Variants in TASOR2 observed in about 807,000 individuals in gnomAD.
TASOR2 encodes the protein protein TASOR 2.
Under a neutral mutation model 199.5 loss-of-function variants are expected in TASOR2, and 84 were observed. The ratio of observed to expected loss-of-function variants is 0.42; its 90% CI spans 0.35 to 0.50. The LOEUF (loss-of-function observed/expected upper bound fraction) is 0.50, where lower values mean the gene tolerates loss of function less well. TASOR2 is among the 20% of genes least tolerant of loss of function. The pLI, the probability that TASOR2 is intolerant of heterozygous loss-of-function variation, is 0.02. For missense variants in TASOR2, 2,796 were observed against 2,835.9 expected (o/e 0.99, Z 0.32); for synonymous variants, 1,103 against 1,046.6 (o/e 1.05, Z -1.04).
At chr10:5,688,319 G>A (rs1836017002) in intron 1 of TASOR2, among the ~76,000 whole-genome samples, 1 of 151,796 alleles carries the variant, frequency 6.6e-6, no homozygotes, top group Admixed American at 6.6e-5. Context: ...CCAACTCCTG[G>A]GTTCAAACAA....
exon 15 of TASOR2, chr10:5,747,913 A>G (rs747150451): frequency 3.7e-6 from 6 of 1,613,796 alleles, no homozygotes; most frequent in Middle Eastern, 3.3e-4. Context: ...CCTTCCTGGT[A>G]AAGTAACTGA....
chr10:5,760,281 G>GTATATGTATTTCA (rs1407581342), intron 18 of TASOR2, among the ~76,000 whole-genome samples: 11 of 152,268 alleles, frequency 7.2e-5, no homozygotes, highest in Admixed American at 7.2e-4. Context: ...TTGTATATGT[G>GTATATGTATTTCA]GTCCGTCATT....
At chr10:5,729,753 A>C (rs569288661) in intron 10 of TASOR2, among the ~76,000 whole-genome samples, 43 of 150,218 alleles carry the variant, frequency 2.9e-4, no homozygotes, top group African/African-American at 9.9e-4. Context: ...TTGTGGCTTT[A>C]TATTACTGAC....
intron 1 of TASOR2, among the ~76,000 whole-genome samples, chr10:5,708,634 CCCTTCCTT>C (rs59164314): frequency 0.6 from 58,513 of 98,128 alleles, 19,319 homozygotes; most frequent in Middle Eastern, 0.67. Flanking sequence ...CTCCCTTCCT[CCCTTCCTT>C]CCTTCCTTCC....
chr10:5,749,407 C>T lies in TASOR2; in HGVS notation c.5986C>T (p.Gln1996Ter), dbSNP rs1350646499. 3 of 1,614,234 alleles carry T rather than the reference C, an allele frequency of 1.9e-6. No homozygotes were observed. Among genetic ancestry groups the T allele is most frequent in the Non-Finnish European group, 2.5e-6 (3 of 1,180,044 alleles). Residue 1996 changes from glutamine (Q) to a stop codon, truncating the protein, a stop_gained, in exon 15 of 21, where the codon CAG (glutamine) becomes TAG (stop). Transcript: ENST00000328090. LOFTEE classifies it high-confidence loss of function. ...ACAGACCATAAAGAATGGGGATTCT[C>T]AGCATTCTGCCTCCTCTGCCAATGT...
rs534297088 is a variant in TASOR2, at chr10:5,754,871, A to G, written c.6607-1742A>G. Among the ~76,000 whole-genome samples the G allele has an allele frequency of 7.2e-5, 11 of 151,882 alleles. 1 individual carries two copies. In the East Asian group the frequency reaches 2.0e-3, roughly 27 times the overall value. On this transcript the variant is annotated intron_variant, in intron 15 of 20. Transcript: ENST00000328090. This position sits in a 1 kb window ranked among gnomAD's most constrained non-coding sequence, Gnocchi z 4.3. ...TTCCTGGCTAACACCGTGAAACCCC[A>G]TCTCTACTAAAAATACAAAAAGAAA...
rs561456437 is a variant in TASOR2 at position 5,719,144 on chromosome 10, A to C, written c.-100+1394A>C. 2.6e-4 allele frequency among the ~76,000 whole-genome samples: 40 copies of C among 152,254 alleles called. 1 individual carries two copies. The highest frequency in any genetic ancestry group is 2.4e-3 in the Admixed American group (37 of 15,296). ...ATGAAGAGGCAGGACTTAAACAACA[A>C]CAAAACATCTTCTTTTTTAAAAAGT... On this transcript the variant is annotated intron_variant, in intron 3 of 20. Coordinates refer to ENST00000328090, the Ensembl canonical transcript of TASOR2. The surrounding 1 kb of genome is among the most constrained non-coding windows in gnomAD (Gnocchi z 4.1).
chr10:5,690,314 C>T lies in TASOR2; in HGVS notation c.-288+5139C>T, dbSNP rs1444535924. On this transcript the variant is annotated intron_variant, in intron 1 of 20. Coordinates refer to ENST00000328090, the Ensembl canonical transcript of TASOR2. This position sits in a 1 kb window ranked among gnomAD's most constrained non-coding sequence, Gnocchi z 4.8. Reference sequence around the variant, plus strand: ...TAGTAAGATTTTAATTACATTTAATCGGAGAACTAAATCCCTTGCTAATAT... The same window carrying T: ...TAGTAAGATTTTAATTACATTTAATTGGAGAACTAAATCCCTTGCTAATAT... 2.0e-5 allele frequency among the ~76,000 whole-genome samples: 3 copies of T among 152,138 alleles called. No homozygotes were observed. Among genetic ancestry groups the T allele is most frequent in the Admixed American group, 1.3e-4 (2 of 15,270 alleles).
chr10:5,739,812 T>C (rs1836137452), exon 13 of TASOR2: 1 of 1,614,088 alleles, frequency 6.2e-7, no homozygotes, highest in African/African-American at 1.3e-5. Flanking sequence ...TGCTACTTCT[T>C]CCACACCAGT....
At position 5,746,622 on chromosome 10, in the gene TASOR2, A is replaced by T. The variant is rs772367027; in HGVS notation, c.3201A>T (p.Glu1067Asp). The change falls in exon 15 of 21, where the codon GAA becomes GAT. Residue 1067 changes from glutamate to aspartate, a missense_variant. Transcript: ENST00000328090. ...ATGCACATGTACCAATACAGACAGA[A>T]GGTGTAAATACTGCTGATGAACGTA... The T allele has an allele frequency of 4.3e-6, 7 of 1,614,198 alleles. No homozygotes were observed. In the South Asian group the frequency reaches 7.7e-5, roughly 18 times the overall value.
At chr10:5,717,688 C>T in exon 3 of TASOR2, 3 of 1,225,912 alleles carry the variant, frequency 2.4e-6, no homozygotes, top group Non-Finnish European at 3.1e-6. Context: ...CTCCGACTGT[C>T]TTCATTCAAG....
rs748932843 is a variant in TASOR2, at chr10:5,740,438, T to G, written c.2268T>G (p.Ser756Arg). The change falls in exon 13 of 21, where the codon AGT becomes AGG. Residue 756 changes from serine (S) to arginine (R), a missense_variant. Ser to Arg is a moderately radical substitution (Grantham distance 110, BLOSUM62 -1). Transcript: ENST00000328090. This position sits in a 1 kb window ranked among gnomAD's most constrained non-coding sequence, Gnocchi z 5.3. ...AATGTGAAACAGAATATGCATTCAG[T>G]TTAGACAGCAAATATACCAACAACC... 6.2e-7 allele frequency: 1 copy of G among 1,614,086 alleles called. No homozygotes were observed. The highest frequency in any genetic ancestry group is 1.1e-5 in the South Asian group (1 of 91,088).
Position 5,737,467 on chromosome 10 carries a change from C to T in TASOR2, c.1447+1921C>T, listed in dbSNP as rs1165453989. 6.6e-6 allele frequency among the ~76,000 whole-genome samples: 1 copy of T among 151,532 alleles called. No individual in the cohort carries two copies. Among genetic ancestry groups the T allele is most frequent in the African/African-American group, 2.4e-5 (1 of 41,192 alleles). On this transcript the variant is annotated intron_variant, in intron 12 of 20. Coordinates refer to ENST00000328090, the Ensembl canonical transcript of TASOR2. This position sits in a 1 kb window ranked among gnomAD's most constrained non-coding sequence, Gnocchi z 4.9. ...TCCCTCTCGGGAGTTTATGGTGTGG[C>T]TGTACCTCCCCTCTCTGCGTTGTGC...
intron 1 of TASOR2, among the ~76,000 whole-genome samples, chr10:5,707,740 A>T (rs981330645): frequency 9.1e-5 from 7 of 76,774 alleles, no homozygotes; most frequent in South Asian, 4.1e-4. Flanking sequence ...ACACACACAC[A>T]CACACACACA....
rs1837505423 is a variant in TASOR2, at chr10:5,748,278, T to C, written c.4857T>C (p.Phe1619=). ...CTAAAAGCAGTCAGAACCATCTCTT[T>C]CCCGGTGATTTGAAAACAGATGAAG... Residue 1619 remains phenylalanine, a synonymous_variant, in exon 15 of 21, where the codon TTT becomes TTC. Transcript: ENST00000328090. This position sits in a 1 kb window ranked among gnomAD's most constrained non-coding sequence, Gnocchi z 5.1. 1.9e-6 allele frequency: 3 copies of C among 1,614,174 alleles called. No individual in the cohort carries two copies. The highest frequency in any genetic ancestry group is 2.2e-5 in the East Asian group (1 of 44,882).
intron 10 of TASOR2, among the ~76,000 whole-genome samples, chr10:5,727,731 G>A (rs1430913302): frequency 5.3e-5 from 8 of 152,012 alleles, no homozygotes; most frequent in Middle Eastern, 3.4e-3. Context: ...TGTCAAACTC[G>A]GCTTCACTAT....
chr10:5,714,550 A>G (rs1243302649), intron 2 of TASOR2: 6 of 172,254 alleles, frequency 3.5e-5, no homozygotes, highest in African/African-American at 1.4e-4. Flanking sequence ...CTTACACTAC[A>G]GTGATAATTA....
intron 1 of TASOR2, among the ~76,000 whole-genome samples, chr10:5,702,283 C>CTT (rs1837962658): frequency 6.6e-6 from 1 of 152,186 alleles, no homozygotes; most frequent in Non-Finnish European, 1.5e-5. Context: ...TTGGACCATC[C>CTT]TTGCATCCCT....
At chr10:5,723,249 G>T (rs1476715749) in intron 6 of TASOR2, among the ~76,000 whole-genome samples, 3 of 151,524 alleles carry the variant, frequency 2.0e-5, no homozygotes, top group African/African-American at 7.3e-5. Flanking sequence ...TAGAGACGGG[G>T]TTTCACCGAG....
Sources: gnomAD v4.1 joint callset for allele counts (sites outside exome capture counted in the v4.1 genomes callset) on GRCh38, gnomAD v4.1.1 for gene constraint, Gnocchi (gnomAD v3.1) non-coding constraint, MANE v1.5 for transcripts, NCBI Gene and HGNC (gene_info 2026-07-23, HGNC 2026-07-21) for gene names.